Variants in DPY19L1 observed in about 807,000 individuals in gnomAD.
The protein encoded by DPY19L1 is protein C-mannosyl-transferase DPY19L1.
In DPY19L1, 35 loss-of-function variants were observed where a neutral mutation model predicts 96.9. The observed-to-expected ratio is 0.36, with a 90% CI of 0.28 to 0.48. DPY19L1 has a LOEUF of 0.48. DPY19L1 is among the 20% of genes least tolerant of loss of function. The pLI, the probability that DPY19L1 is intolerant of heterozygous loss-of-function variation, is 0.99. For synonymous variants in DPY19L1, 205 were observed against 252.6 expected, an observed-to-expected ratio of 0.81 and a Z score of 1.79; for missense variants, 521 against 777.9, an observed-to-expected ratio of 0.67 and a Z score of 3.93.
intron 1 of DPY19L1, among the ~76,000 whole-genome samples, chr7:35,022,296 T>C (rs1786013967): frequency 1.3e-5 from 2 of 152,186 alleles, no homozygotes; most frequent in South Asian, 4.1e-4. Context: ...AAACCTATTC[T>C]ATAAGAAAAA....
chr7:34,938,435 T>G (rs1783919901), intron 20 of DPY19L1, among the ~76,000 whole-genome samples: 1 of 152,236 alleles, frequency 6.6e-6, no homozygotes, highest in South Asian at 2.1e-4. Flanking sequence ...GTACCCTGTG[T>G]GTGAACAGGG....
At chr7:34,954,096 G>C (rs2128785643) in intron 13 of DPY19L1, among the ~76,000 whole-genome samples, 1 of 152,222 alleles carries the variant, frequency 6.6e-6, no homozygotes, top group East Asian at 1.9e-4. Flanking sequence ...ATCTTTGATA[G>C]CCTCCTGACT....
intron 7 of DPY19L1, among the ~76,000 whole-genome samples, chr7:34,986,713 G>T (rs1407006481): frequency 4.0e-5 from 6 of 151,876 alleles, no homozygotes; most frequent in African/African-American, 1.4e-4. Flanking sequence ...AAGAAATATG[G>T]GTCAGAAATA....
At chr7:35,003,271 AC>A (rs1179603312) in intron 6 of DPY19L1, among the ~76,000 whole-genome samples, 1 of 152,222 alleles carries the variant, frequency 6.6e-6, no homozygotes, top group Non-Finnish European at 1.5e-5. Flanking sequence ...GGATAAGGGC[AC>A]AGGGGATCCA....
At chr7:34,959,933 A>ATT (rs1562807033) in intron 10 of DPY19L1, among the ~76,000 whole-genome samples, 3 of 77,822 alleles carry the variant, frequency 3.9e-5, no homozygotes, top group Non-Finnish European at 1.0e-4. Flanking sequence ...ATTTATATAT[A>ATT]TATATATATA....
intron 7 of DPY19L1, among the ~76,000 whole-genome samples, chr7:34,989,346 G>A (rs1330967477): frequency 2.0e-5 from 3 of 152,084 alleles, no homozygotes; most frequent in African/African-American, 7.2e-5. Context: ...CAGGCGTGGT[G>A]GCTTATACCT....
intron 6 of DPY19L1, among the ~76,000 whole-genome samples, chr7:34,994,950 C>A (rs1785251229): frequency 6.6e-6 from 1 of 152,234 alleles, no homozygotes; most frequent in Non-Finnish European, 1.5e-5. Context: ...GACAACATTC[C>A]TTTTTCACCA....
chr7:34,988,005 C>A (rs1785086356), intron 7 of DPY19L1: 1 of 151,980 alleles, frequency 6.6e-6, no homozygotes, highest in South Asian at 2.1e-4. Context: ...GCATGCTTTT[C>A]AGCTACACCA....
At chr7:35,033,672 T>C (rs558289433) in intron 1 of DPY19L1, among the ~76,000 whole-genome samples, 2 of 152,108 alleles carry the variant, frequency 1.3e-5, no homozygotes, top group Non-Finnish European at 2.9e-5. Context: ...CCACACCACA[T>C]TGCTCCCCCC....
intron 3 of DPY19L1, among the ~76,000 whole-genome samples, chr7:35,014,288 T>C (rs370229466): frequency 2.0e-5 from 3 of 152,258 alleles, no homozygotes; most frequent in East Asian, 3.9e-4. Context: ...GTAAGAACCC[T>C]GTGCGACTGG....
intron 1 of DPY19L1, among the ~76,000 whole-genome samples, chr7:35,031,729 T>G (rs1786265046): frequency 6.6e-6 from 1 of 152,180 alleles, no homozygotes; most frequent in South Asian, 2.1e-4. Context: ...CTTATCAAAT[T>G]TGTTATTTGG....
chr7:35,007,205 T>C (rs903048483), intron 6 of DPY19L1, among the ~76,000 whole-genome samples: 4 of 152,176 alleles, frequency 2.6e-5, no homozygotes, highest in Non-Finnish European at 4.4e-5. Flanking sequence ...CAAAATAATA[T>C]ACATCAGGAT....
intron 8 of DPY19L1, among the ~76,000 whole-genome samples, chr7:34,971,957 T>G (rs546350565): frequency 6.6e-6 from 1 of 152,298 alleles, no homozygotes; most frequent in South Asian, 2.1e-4. Context: ...CAGTAGGGAA[T>G]GTATCCCGGA....
rs1187393332 is a variant in DPY19L1 at position 34,942,746 on chromosome 7, C to T, written c.1545-107G>A. ...GGAGTTTTACAACTTCTATAACATT[C>T]TCTCAGGACACACACAGGCAAATCA... On this transcript the variant is annotated intron_variant, in intron 16 of 21. Coordinates refer to ENST00000638088, the MANE Select transcript of DPY19L1 (RefSeq NM_001366673.1). 7.9e-6 allele frequency: 7 copies of T among 880,712 alleles called. No individual in the cohort carries two copies. In the African/African-American group the frequency reaches 1.0e-4, roughly 13 times the overall value. The allele number at this position is 880,712 out of a possible 1,614,324, so 54.6% of individuals were successfully genotyped here.
At chr7:34,996,252 C>T (rs1785281150) in intron 6 of DPY19L1, among the ~76,000 whole-genome samples, 1 of 152,172 alleles carries the variant, frequency 6.6e-6, no homozygotes, top group African/African-American at 2.4e-5. Flanking sequence ...CCAAACACAC[C>T]ACACCTCATG....
chr7:34,955,280 A>G (rs751216746), intron 12 of DPY19L1, 28 bp downstream of exon 12: 7 of 1,550,388 alleles, frequency 4.5e-6, no homozygotes, highest in Non-Finnish European at 3.5e-6. Flanking sequence ...AAGAAAAAAC[A>G]TAAGCATTAA....
intron 9 of DPY19L1, among the ~76,000 whole-genome samples, chr7:34,967,286 A>G (rs1201348022): frequency 6.6e-6 from 1 of 152,214 alleles, no homozygotes; most frequent in East Asian, 1.9e-4. Flanking sequence ...GCCTTGTCCA[A>G]TCAAAAAAGA....
chr7:35,028,246 C>T lies in DPY19L1; in HGVS notation c.298+8851G>A, dbSNP rs991064493. Among the ~76,000 whole-genome samples, 16 of 152,096 alleles carry T rather than the reference C, an allele frequency of 1.1e-4. No homozygotes were observed. In the East Asian group the frequency reaches 1.7e-3, roughly 17 times the overall value. On this transcript the variant is annotated intron_variant, in intron 1 of 21. Coordinates refer to ENST00000638088, the MANE Select transcript of DPY19L1 (RefSeq NM_001366673.1). ...GCTCGAAGATGTTAAGCACATTCAA[C>T]GAAGAGGATGCACTAGCACACAGGA...
rs530285035 is a variant in DPY19L1 at position 34,928,937 on chromosome 7, T to C, written c.*2636A>G. 3.2e-4 allele frequency: 49 copies of C among 152,322 alleles called. 1 individual carries two copies. Among genetic ancestry groups the C allele is most frequent in the Admixed American group, 7.8e-4 (12 of 15,306 alleles). 9.4% of individuals were successfully genotyped at this position (152,322 alleles called of 1,614,324 possible). On this transcript the variant is annotated 3_prime_UTR_variant, in exon 22 of 22. Coordinates refer to ENST00000638088, the MANE Select transcript of DPY19L1 (RefSeq NM_001366673.1). The stretch of plus-strand genomic sequence containing the variant: ...ATATAGTACATGTAAACAACTGGCA[T>C]AAAATTCATAAAAATACAATACTCC...
Sources: gnomAD v4.1 joint callset for allele counts (sites outside exome capture counted in the v4.1 genomes callset) on GRCh38, gnomAD v4.1.1 for gene constraint, MANE v1.5 for transcripts, NCBI Gene and HGNC (gene_info 2026-07-23, HGNC 2026-07-21) for gene names.